The following ST18 variants were observed in gnomAD, a reference collection of about 807,000 sequenced individuals.
ST18 encodes suppression of tumorigenicity 18 protein.
ST18 carries 50 observed loss-of-function variants against 110.0 expected under a neutral mutation model. That is an observed-to-expected ratio of 0.45 (90% CI 0.36 to 0.58). ST18 has a LOEUF of 0.58. Ranked by LOEUF, ST18 falls within the 20% of genes least tolerant of loss-of-function variation. ST18 has a pLI of 0.00. For synonymous variants in ST18, 461 were observed against 452.4 expected, an observed-to-expected ratio of 1.02 and a Z score of -0.24; for missense variants, 1,306 against 1,280.1, an observed-to-expected ratio of 1.02 and a Z score of -0.31.
At chr8:52,406,416 C>T (rs1018185912) in intron 2 of ST18, 4 of 152,494 alleles carry the variant, frequency 2.6e-5, no homozygotes, top group African/African-American at 9.7e-5. Flanking sequence ...CAGCTGGAGT[C>T]CTGAGGCATC....
At chr8:52,360,644 T>C (rs1386833019) in intron 2 of ST18, among the ~76,000 whole-genome samples, 1 of 152,204 alleles carries the variant, frequency 6.6e-6, no homozygotes, top group Non-Finnish European at 1.5e-5. Context: ...GTAGGCATTA[T>C]TAAGTTTTGC....
chr8:52,132,949 T>TAC (rs1270635742), intron 21 of ST18, 108 bp downstream of exon 21: 1 of 1,262,078 alleles, frequency 7.9e-7, no homozygotes, highest in Non-Finnish European at 1.1e-6. Context: ...TTTAATAGGG[T>TAC]ACACCTTCCC....
At position 52,336,793 on chromosome 8, in the gene ST18, A is replaced by T. The variant is rs1471022778; in HGVS notation, c.-465+72535T>A. 3.3e-5 allele frequency among the ~76,000 whole-genome samples: 5 copies of T among 152,224 alleles called. No individual in the cohort carries two copies. The East Asian group carries it at 9.6e-4, about 29-fold the overall frequency. Reference sequence around the variant, plus strand: ...AGCCATGCTTGTGTCTGTTAATGAAATATAATCAATTAATTTTTTTAAAAA... The same window carrying T: ...AGCCATGCTTGTGTCTGTTAATGAATTATAATCAATTAATTTTTTTAAAAA... On this transcript the variant is annotated intron_variant, in intron 2 of 25. Coordinates refer to ENST00000689386, the MANE Select transcript of ST18 (RefSeq NM_001352837.2).
At chr8:52,331,463 A>C (rs1001588554) in intron 2 of ST18, among the ~76,000 whole-genome samples, 1 of 152,260 alleles carries the variant, frequency 6.6e-6, no homozygotes, top group Admixed American at 6.5e-5. Flanking sequence ...AGGCCTATGC[A>C]CACATACACA....
At chr8:52,330,580 C>A (rs1044734690) in intron 2 of ST18, among the ~76,000 whole-genome samples, 2 of 152,204 alleles carry the variant, frequency 1.3e-5, no homozygotes, top group Admixed American at 1.3e-4. Context: ...CATTCTCTAT[C>A]GTAAGTCAAG....
chr8:52,356,124 T>C lies in ST18; in HGVS notation c.-465+53204A>G, dbSNP rs567719001. Among the ~76,000 whole-genome samples, 144 of 152,292 alleles carry C rather than the reference T, an allele frequency of 9.5e-4. 3 individuals carry two copies. In the South Asian group the frequency reaches 0.02, roughly 22 times the overall value. ...CAAGCTTAGAGTTGGATGTATGTTC[T>C]GAAAAAGCCTGAGAAAACCCTAAGC... On this transcript the variant is annotated intron_variant, in intron 2 of 25. Coordinates refer to ENST00000689386, the MANE Select transcript of ST18 (RefSeq NM_001352837.2).
chr8:52,139,223 A>G (rs2053793339), intron 17 of ST18, among the ~76,000 whole-genome samples: 1 of 152,176 alleles, frequency 6.6e-6, no homozygotes, highest in South Asian at 2.1e-4. Context: ...TTTTCTGAAC[A>G]TTATACAACT....
intron 9 of ST18, among the ~76,000 whole-genome samples, chr8:52,178,068 G>A (rs1489940109): frequency 6.6e-6 from 1 of 152,092 alleles, no homozygotes; most frequent in African/African-American, 2.4e-5. Context: ...TGTTTAACTG[G>A]AGGACATCTG....
At chr8:52,297,088 A>T (rs1448491917) in intron 2 of ST18, among the ~76,000 whole-genome samples, 1 of 152,218 alleles carries the variant, frequency 6.6e-6, no homozygotes, top group Admixed American at 6.5e-5. Context: ...CCCAACTCAT[A>T]TAAGAATCTG....
chr8:52,407,695 G>A (rs1206778271), intron 2 of ST18: 2 of 152,150 alleles, frequency 1.3e-5, no homozygotes, highest in African/African-American at 2.4e-5. Flanking sequence ...TGGTTTTGGT[G>A]GAGGACGCTG....
At chr8:52,339,310 C>T (rs1359444129) in intron 2 of ST18, among the ~76,000 whole-genome samples, 2 of 152,206 alleles carry the variant, frequency 1.3e-5, no homozygotes, top group African/African-American at 2.4e-5. Context: ...ACTCCTCTCC[C>T]TCTGGGCTTC....
At chr8:52,191,345 T>C (rs2074403346) in intron 8 of ST18, among the ~76,000 whole-genome samples, 1 of 152,158 alleles carries the variant, frequency 6.6e-6, no homozygotes, top group South Asian at 2.1e-4. Context: ...CTGACCATGA[T>C]GTCAGAGCCA....
intron 2 of ST18, among the ~76,000 whole-genome samples, chr8:52,347,412 G>A (rs1818257180): frequency 6.6e-6 from 1 of 152,106 alleles, no homozygotes; most frequent in South Asian, 2.1e-4. Context: ...TACAAAGCAG[G>A]GTGTTGCTAG....
intron 15 of ST18, among the ~76,000 whole-genome samples, chr8:52,154,109 C>T (rs1038443597): frequency 2.0e-5 from 3 of 152,188 alleles, no homozygotes; most frequent in Non-Finnish European, 4.4e-5. Context: ...TTTCCTTGCA[C>T]CTGTATCAAC....
chr8:52,133,727 T>A lies in ST18; in HGVS notation c.2301-426A>T, dbSNP rs992583024. On this transcript the variant is annotated intron_variant, in intron 19 of 25. Transcript: ENST00000689386. Reference sequence around the variant, plus strand: ...GTTTTCCAAATTATTATTATTATTATTATTATTATTATTGTTATTATTGAG... The same window carrying A: ...GTTTTCCAAATTATTATTATTATTAATATTATTATTATTGTTATTATTGAG... Among the ~76,000 whole-genome samples, 12 of 149,702 alleles carry A rather than the reference T, an allele frequency of 8.0e-5. No individual in the cohort carries two copies. The East Asian group carries it at 2.3e-3, about 29-fold the overall frequency.
chr8:52,137,662 A>G (rs554260630), intron 17 of ST18, 179 bp from the exon 18 acceptor site: 1 of 532,522 alleles, frequency 1.9e-6, no homozygotes, highest in Non-Finnish European at 3.3e-6. Flanking sequence ...ACTACCTGAA[A>G]GAAAACTAAA....
intron 2 of ST18, among the ~76,000 whole-genome samples, chr8:52,354,364 G>T (rs887772329): frequency 1.3e-5 from 2 of 152,180 alleles, no homozygotes; most frequent in African/African-American, 4.8e-5. Context: ...TTGAGAAGTG[G>T]TCAGATTCAG....
At chr8:52,115,829 C>G (rs1009036785) in intron 25 of ST18, among the ~76,000 whole-genome samples, 5 of 151,948 alleles carry the variant, frequency 3.3e-5, no homozygotes, top group African/African-American at 1.2e-4. Context: ...AACTGAAGTA[C>G]GTTCTTCATA....
chr8:52,221,448 T>C (rs1001626311), intron 4 of ST18, among the ~76,000 whole-genome samples, 192 bp downstream of exon 4: 10 of 152,250 alleles, frequency 6.6e-5, no homozygotes, highest in African/African-American at 2.4e-4. Context: ...GCCTCACCTC[T>C]ATGTGGTCCC....
Sources: gnomAD v4.1 joint callset for allele counts (sites outside exome capture counted in the v4.1 genomes callset) on GRCh38, gnomAD v4.1.1 for gene constraint, MANE v1.5 for transcripts, NCBI Gene and HGNC (gene_info 2026-07-23, HGNC 2026-07-21) for gene names.